PRIM2: variants seen among roughly 807,000 people sequenced by gnomAD.
PRIM2 encodes DNA primase subunit 2.
A neutral mutation model predicts 67.3 loss-of-function variants in PRIM2; 39 were observed. The ratio of observed to expected loss-of-function variants is 0.58; its 90% CI spans 0.45 to 0.76. PRIM2 has a LOEUF of 0.76. PRIM2 is among the 30% of genes least tolerant of loss of function. The pLI is 0.00. For synonymous variants in PRIM2, 143 were observed against 198.7 expected (o/e 0.72, Z 2.36); for missense variants, 398 against 598.7 (o/e 0.66, Z 3.50).
At chr6:57,258,372 C>T in the PRIM2 span, among the ~76,000 whole-genome samples, 4 of 151,492 alleles carry the variant, frequency 2.6e-5, no homozygotes, top group Admixed American at 6.6e-5. Context: ...GATTTTCTGA[C>T]GCAAATGAGG....
chr6:57,511,620 T>G (rs1408818518), intron 8 of PRIM2, among the ~76,000 whole-genome samples: 12 of 152,266 alleles, frequency 7.9e-5, no homozygotes, highest in African/African-American at 2.9e-4. Flanking sequence ...GAGCTCAGAT[T>G]GGACTGAAAT....
At chr6:57,593,007 G>T (rs1344134978) in intron 10 of PRIM2, among the ~76,000 whole-genome samples, 1 of 152,116 alleles carries the variant, frequency 6.6e-6, no homozygotes, top group Non-Finnish European at 1.5e-5. Context: ...TTGTGAAAGA[G>T]GCTCTGAGAA....
intron 7 of PRIM2, among the ~76,000 whole-genome samples, chr6:57,472,526 T>G (rs1773362475): frequency 6.6e-6 from 1 of 152,218 alleles, no homozygotes; most frequent in South Asian, 2.1e-4. Flanking sequence ...AGTGAAGGTC[T>G]GGTGTGGAGC....
At chr6:57,606,526 T>A in intron 12 of PRIM2, 69 bp downstream of exon 12, 1 of 1,278,952 alleles carries the variant, frequency 7.8e-7, no homozygotes, top group Non-Finnish European at 1.1e-6. Flanking sequence ...TTTTATTTAA[T>A]GTTCTTGCAG....
At chr6:57,514,060 A>C (rs1774428397) in intron 8 of PRIM2, among the ~76,000 whole-genome samples, 1 of 152,216 alleles carries the variant, frequency 6.6e-6, no homozygotes, top group Non-Finnish European at 1.5e-5. Context: ...CTGATTTTGC[A>C]AGCAGATGTT....
At chr6:57,335,295 G>A (rs1294159820) in intron 5 of PRIM2, among the ~76,000 whole-genome samples, 6 of 152,246 alleles carry the variant, frequency 3.9e-5, no homozygotes, top group East Asian at 1.9e-4. Flanking sequence ...AGGGGCGCCC[G>A]CCATTGCCCA....
At chr6:57,477,925 C>T (rs1433393760) in intron 7 of PRIM2, among the ~76,000 whole-genome samples, 1 of 152,124 alleles carries the variant, frequency 6.6e-6, no homozygotes, top group Non-Finnish European at 1.5e-5. Context: ...CATAACGGAT[C>T]ATCTATGTCA....
chr6:57,537,334 T>G (rs1775021771), intron 9 of PRIM2, 106 bp from the exon 10 acceptor site: 5 of 474,342 alleles, frequency 1.1e-5, no homozygotes, highest in Non-Finnish European at 1.7e-5. Flanking sequence ...TCTTATGGTG[T>G]TTTTTTTTTA....
At chr6:57,530,755 G>T (rs1422160375) in intron 8 of PRIM2, among the ~76,000 whole-genome samples, 3 of 151,718 alleles carry the variant, frequency 2.0e-5, no homozygotes, top group African/African-American at 7.3e-5. Flanking sequence ...CTGTCACCCA[G>T]GGTGGAGCAT....
Position 57,485,873 on chromosome 6 carries a change from G to A in PRIM2, c.694-21514G>A, listed in dbSNP as rs1480937097. Reference sequence around the variant, plus strand: ...AAGCCCTGGCTTCCCCCTTAAAGGAGCTTACAGTCCAAGAGAGTGAGCATG... The same window carrying A: ...AAGCCCTGGCTTCCCCCTTAAAGGAACTTACAGTCCAAGAGAGTGAGCATG... On this transcript the variant is annotated intron_variant, in intron 7 of 13. Transcript: ENST00000615550. Among the ~76,000 whole-genome samples, 30 of 152,308 alleles carry A rather than the reference G, an allele frequency of 2.0e-4. No homozygotes were observed. The East Asian group carries it at 5.6e-3, about 28-fold the overall frequency.
chr6:57,491,388 T>C (rs1275056905), intron 7 of PRIM2, among the ~76,000 whole-genome samples: 5 of 152,176 alleles, frequency 3.3e-5, no homozygotes, highest in Non-Finnish European at 5.9e-5. Flanking sequence ...AGGGATATAT[T>C]TTCTATATAA....
intron 7 of PRIM2, among the ~76,000 whole-genome samples, chr6:57,453,002 A>G (rs1210118561): frequency 3.3e-5 from 5 of 152,172 alleles, no homozygotes; most frequent in African/African-American, 9.7e-5. Context: ...CTTTCTACAT[A>G]TGGCTAGCCA....
rs397958660 is a variant in PRIM2, at chr6:57,446,418, C to CTTTTTTTTTTTTTTTTTTTTTTTTT, written c.694-60954_694-60953insTTTTTTTTTTTTTTTTTTTTTTTTT. 7.2e-4 allele frequency among the ~76,000 whole-genome samples: 60 copies of CTTTTTTTTTTTTTTTTTTTTTTTTT among 83,812 alleles called. 15 individuals carry two copies. Among genetic ancestry groups the CTTTTTTTTTTTTTTTTTTTTTTTTT allele is most frequent in the East Asian group, 1.7e-3 (5 of 2,952 alleles). 55.0% of individuals were successfully genotyped at this position (83,812 alleles called of 152,430 possible). A position where few individuals can be genotyped will look rare whatever the true frequency, so the allele number is the denominator to read the frequency against. On this transcript the variant is annotated intron_variant, in intron 7 of 13. Coordinates refer to ENST00000615550, the MANE Select transcript of PRIM2 (RefSeq NM_000947.5). ...GGCATAGGCCTGGCACACGCCACTT[C>CTTTTTTTTTTTTTTTTTTTTTTTTT]TTTTTTTTTTTTTTTGAGACAGTCT...
intron 7 of PRIM2, among the ~76,000 whole-genome samples, chr6:57,415,770 TAG>T (rs1771240607): frequency 6.6e-6 from 1 of 152,170 alleles, no homozygotes. Context: ...TCACCAGGAG[TAG>T]AGTCTATCTC....
intron 9 of PRIM2, among the ~76,000 whole-genome samples, chr6:57,536,905 G>A (rs1317712594): frequency 6.6e-6 from 1 of 152,066 alleles, no homozygotes; most frequent in Admixed American, 6.5e-5. Context: ...GAACTGTTCT[G>A]CATGTTGACT....
intron 12 of PRIM2, among the ~76,000 whole-genome samples, chr6:57,625,597 G>C (rs1776936054): frequency 2.0e-5 from 3 of 152,200 alleles, no homozygotes; most frequent in African/African-American, 7.2e-5. Flanking sequence ...TACTCTTGTG[G>C]CAATGTGGCA....
At chr6:57,578,431 C>T (rs1411524079) in intron 10 of PRIM2, among the ~76,000 whole-genome samples, 21,601 of 152,128 alleles carry the variant, frequency 0.14, 2,548 homozygotes, top group African/African-American at 0.32. Flanking sequence ...TCTATTTCCC[C>T]TATTCCATCT....
At chr6:57,515,300 GT>G (rs1774459851) in intron 8 of PRIM2, among the ~76,000 whole-genome samples, 1 of 152,192 alleles carries the variant, frequency 6.6e-6, no homozygotes, top group South Asian at 2.1e-4. Context: ...AATGTGAACA[GT>G]TTCTGTGTGT....
At chr6:57,607,962 G>A (rs1776592236) in intron 12 of PRIM2, among the ~76,000 whole-genome samples, 1 of 151,824 alleles carries the variant, frequency 6.6e-6, no homozygotes, top group Non-Finnish European at 1.5e-5. Context: ...GGAAGTCAGT[G>A]GTAGAACCAA....
Sources: allele counts gnomAD v4.1 joint callset (sites outside exome capture counted in the v4.1 genomes callset), GRCh38; gene constraint gnomAD v4.1.1; transcripts MANE v1.5; gene names NCBI Gene and HGNC (gene_info 2026-07-23, HGNC 2026-07-21).